SULT1C3: variants seen among roughly 807,000 people sequenced by gnomAD.
SULT1C3 encodes sulfotransferase 1C3.
Under a neutral mutation model 28.4 loss-of-function variants are expected in SULT1C3, and 31 were observed. The ratio of observed to expected loss-of-function variants is 1.09; its 90% CI spans 0.82 to 1.47. SULT1C3 has a LOEUF of 1.47. Among genes scored for constraint, SULT1C3 ranks in the 40% most tolerant of loss-of-function variants. SULT1C3 has a pLI of 0.00. For synonymous variants in SULT1C3, 106 were observed against 92.2 expected, an observed-to-expected ratio of 1.15 and a Z score of -0.86; for missense variants, 307 against 272.5, an observed-to-expected ratio of 1.13 and a Z score of -0.89.
downstream of SULT1C3, among the ~76,000 whole-genome samples, chr2:108,262,965 A>G (rs1358670115): frequency 1.3e-5 from 2 of 152,196 alleles, no homozygotes; most frequent in African/African-American, 4.8e-5. Context: ...GTATGTCTAC[A>G]TGTAAGTGTG....
At chr2:108,258,613 C>A in intron 5 of SULT1C3, 121 bp from the exon 6 acceptor site, 3 of 682,670 alleles carry the variant, frequency 4.4e-6, no homozygotes, top group Admixed American at 2.7e-5. Context: ...AAATTATTTC[C>A]ACTTCGTTAA....
At chr2:108,249,897 T>C (rs1675686875) in intron 2 of SULT1C3, among the ~76,000 whole-genome samples, 1 of 152,038 alleles carries the variant, frequency 6.6e-6, no homozygotes, top group African/African-American at 2.4e-5. Flanking sequence ...ACTTGACCCT[T>C]ACTTGGTGCC....
At chr2:108,241,812 A>G (rs1393085608) in intron 1 of SULT1C3, among the ~76,000 whole-genome samples, 1 of 151,978 alleles carries the variant, frequency 6.6e-6, no homozygotes, top group Non-Finnish European at 1.5e-5. Context: ...CTGTAGTCCC[A>G]GCTACTCAGG....
chr2:108,255,822 T>C, intron 5 of SULT1C3, 124 bp downstream of exon 5: 1 of 1,247,842 alleles, frequency 8.0e-7, no homozygotes, highest in Admixed American at 3.2e-5. Context: ...CTTGATGATC[T>C]GGGACTGGAG....
chr2:108,265,130 T>C (rs866531286), downstream of SULT1C3: 1 of 1,456,550 alleles, frequency 6.9e-7, no homozygotes, highest in Middle Eastern at 1.8e-4. Flanking sequence ...TGTACAACCT[T>C]TGAGAGGCAA....
intron 2 of SULT1C3, 82 bp from the exon 3 acceptor site, chr2:108,252,283 G>A (rs773668173): frequency 1.1e-4 from 147 of 1,370,402 alleles, no homozygotes; most frequent in Non-Finnish European, 8.6e-5. Context: ...CTCTCATGTT[G>A]CTGTCTTTCT....
intron 1 of SULT1C3, among the ~76,000 whole-genome samples, chr2:108,242,371 A>T (rs902651643): frequency 6.6e-6 from 1 of 152,204 alleles, no homozygotes; most frequent in Non-Finnish European, 1.5e-5. Context: ...TTTTAATTGG[A>T]TTACTGGCTT....
In SULT1C3 at chr2:108,255,575, G is replaced by T; in HGVS notation, c.403G>T (p.Val135Phe). Residue 135 changes from valine to phenylalanine, a missense_variant, in exon 5 of 8, where the codon GTC becomes TTC. By Grantham distance (50) the Val-to-Phe change is conservative. Coordinates refer to ENST00000681802, the MANE Select transcript of SULT1C3 (RefSeq NM_001320878.2). ...PSIWKENCKI[V>F]YVARNPKDCL... Reference sequence around the variant, plus strand: ...CCTTCCCTCTCCTTGATTTCAGATTGTCTATGTGGCCAGAAATCCCAAGGA... The same window carrying T: ...CCTTCCCTCTCCTTGATTTCAGATTTTCTATGTGGCCAGAAATCCCAAGGA... 7 of 1,610,750 alleles carry T rather than the reference G, an allele frequency of 4.3e-6. No homozygotes were observed. The highest frequency in any genetic ancestry group is 5.9e-6 in the Non-Finnish European group (7 of 1,178,040).
downstream of SULT1C3, among the ~76,000 whole-genome samples, chr2:108,262,352 G>T (rs1394679338): frequency 1.3e-5 from 2 of 152,128 alleles, no homozygotes; most frequent in African/African-American, 2.4e-5. Context: ...ACTCAGAAAT[G>T]ATTTTCTACT....
downstream of SULT1C3, among the ~76,000 whole-genome samples, chr2:108,263,483 A>C (rs1407722554): frequency 6.6e-6 from 1 of 152,166 alleles, no homozygotes; most frequent in Non-Finnish European, 1.5e-5. Flanking sequence ...TTTATTTATC[A>C]TGAGAATTGT....
chr2:108,260,436 ACC>A, intron 7 of SULT1C3, 130 bp from the exon 8 acceptor site: 2 of 341,432 alleles, frequency 5.9e-6, no homozygotes, highest in Non-Finnish European at 1.2e-5. Flanking sequence ...TAGTGGAAAG[ACC>A]AGAGGGAGTG....
chr2:108,261,897 A>G (rs1391770597), downstream of SULT1C3, among the ~76,000 whole-genome samples: 1 of 152,078 alleles, frequency 6.6e-6, no homozygotes, highest in Non-Finnish European at 1.5e-5. Context: ...TCAAAGGTAA[A>G]AAATAGATGA....
downstream of SULT1C3, chr2:108,264,959 G>A (rs1426762590): frequency 1.2e-6 from 2 of 1,613,764 alleles, no homozygotes; most frequent in Non-Finnish European, 1.7e-6. Flanking sequence ...ATACCACTTT[G>A]CCCACCAGCA....
chr2:108,246,678 G>T (rs1164558092), intron 1 of SULT1C3, among the ~76,000 whole-genome samples: 3 of 151,916 alleles, frequency 2.0e-5, no homozygotes, highest in African/African-American at 7.3e-5. Context: ...TATGTTTTTT[G>T]AAGATTTTCT....
chr2:108,247,738 C>A (rs1177684166), intron 2 of SULT1C3, among the ~76,000 whole-genome samples: 1 of 152,162 alleles, frequency 6.6e-6, no homozygotes, highest in Non-Finnish European at 1.5e-5. Flanking sequence ...TCTATTATCT[C>A]AGATATTAAA....
At chr2:108,242,211 G>T (rs1473884235) in intron 1 of SULT1C3, among the ~76,000 whole-genome samples, 1 of 152,122 alleles carries the variant, frequency 6.6e-6, no homozygotes, top group African/African-American at 2.4e-5. Flanking sequence ...AATTCTTAAA[G>T]CCATGTGAAC....
chr2:108,256,982 G>C (rs1675881597), intron 5 of SULT1C3, among the ~76,000 whole-genome samples: 2 of 152,114 alleles, frequency 1.3e-5, no homozygotes, highest in South Asian at 4.2e-4. Flanking sequence ...CAGGATCCAA[G>C]CTTCTTTTCT....
At chr2:108,260,410 A>T (rs1394652524) in intron 7 of SULT1C3, among the ~76,000 whole-genome samples, 158 bp from the exon 8 acceptor site, 1 of 152,082 alleles carries the variant, frequency 6.6e-6, no homozygotes, top group Non-Finnish European at 1.5e-5. Context: ...GTGGAGTGGA[A>T]ATGAGGGACC....
downstream of SULT1C3, chr2:108,265,278 A>C (rs1403173165): frequency 6.2e-7 from 1 of 1,613,844 alleles, no homozygotes; most frequent in Non-Finnish European, 8.5e-7. Flanking sequence ...ACTGTGGCCC[A>C]AAATGAAGAA....
Sources: gnomAD v4.1 joint callset for allele counts (sites outside exome capture counted in the v4.1 genomes callset) on GRCh38, gnomAD v4.1.1 for gene constraint, MANE v1.5 for transcripts, NCBI Gene and HGNC (gene_info 2026-07-23, HGNC 2026-07-21) for gene names.